The following DPH6 variants were observed in gnomAD, a reference collection of about 807,000 sequenced individuals.
The protein encoded by DPH6 is diphthine--ammonia ligase.
In DPH6, 33 loss-of-function variants were observed where a neutral mutation model predicts 38.2. That is an observed-to-expected ratio of 0.86 (90% CI 0.65 to 1.15). The LOEUF (loss-of-function observed/expected upper bound fraction) is 1.15, where lower values mean the gene tolerates loss of function less well. DPH6 is among the 50% of genes most tolerant of loss of function. The pLI is 0.00. For synonymous variants in DPH6, 108 were observed against 103.0 expected (o/e 1.05, Z -0.30); for missense variants, 325 against 320.0 (o/e 1.02, Z -0.12).
chr15:35,544,082 T>C (rs1192447176), intron 1 of DPH6, among the ~76,000 whole-genome samples: 5 of 152,186 alleles, frequency 3.3e-5, no homozygotes, highest in Non-Finnish European at 7.3e-5. Flanking sequence ...AGTACCTTAC[T>C]GTCCTCTTAG....
At chr15:35,534,678 G>T (rs1012894175) in intron 3 of DPH6, among the ~76,000 whole-genome samples, 1 of 152,100 alleles carries the variant, frequency 6.6e-6, no homozygotes, top group African/African-American at 2.4e-5. Context: ...TGAAGATTCA[G>T]TCTAGAAGGT....
At chr15:35,263,429 A>C (rs1365021207) in intron 3 of DPH6, among the ~76,000 whole-genome samples, 1 of 134,920 alleles carries the variant, frequency 7.4e-6, no homozygotes, top group Non-Finnish European at 1.5e-5. Context: ...TTTTAGAGAC[A>C]GGGTCTCACT....
rs144945842 is a variant in DPH6, at chr15:35,373,620, A to C, written c.663-12T>G. The C allele has an allele frequency of 1.8e-3, 2,839 of 1,599,346 alleles. 3 individuals are homozygous for C. The highest frequency in any genetic ancestry group is 2.3e-3 in the Non-Finnish European group (2,649 of 1,173,014). ...CTTCTGATGAATCCCTGAAATACAA[A>C]AATTTTACAATACATTTATATGCTA... On this transcript the variant is annotated splice_polypyrimidine_tract_variant and intron_variant, in intron 7 of 8. Transcript: ENST00000256538.
chr15:35,404,455 T>A (rs1387985666), intron 6 of DPH6, among the ~76,000 whole-genome samples: 1 of 152,164 alleles, frequency 6.6e-6, no homozygotes, highest in Admixed American at 6.5e-5. Flanking sequence ...TAGTTTTGAT[T>A]TGCATTTCTC....
chr15:35,242,980 C>T (rs2140402758), intron 3 of DPH6, among the ~76,000 whole-genome samples: 1 of 142,534 alleles, frequency 7.0e-6, no homozygotes, highest in Non-Finnish European at 1.5e-5. Flanking sequence ...CCTCAAACTG[C>T]CACTCTTAAC....
chr15:35,187,027 T>C, the DPH6 span, among the ~76,000 whole-genome samples: 1 of 152,248 alleles, frequency 6.6e-6, no homozygotes, highest in South Asian at 2.1e-4. Context: ...TTAGGCACCA[T>C]GACAGGCATC....
intron 3 of DPH6, among the ~76,000 whole-genome samples, chr15:35,535,750 A>T (rs2055159513): frequency 6.6e-6 from 1 of 152,174 alleles, no homozygotes; most frequent in African/African-American, 2.4e-5. Flanking sequence ...ACAGCTTGAG[A>T]TACATACCTC....
chr15:35,427,829 G>A (rs1185100680), intron 5 of DPH6, among the ~76,000 whole-genome samples: 2 of 151,874 alleles, frequency 1.3e-5, no homozygotes, highest in Non-Finnish European at 2.9e-5. Context: ...TGTAAAACTT[G>A]CTAAGTAATG....
In DPH6 at chr15:35,266,457, T is replaced by C. The variant is rs369090759; in HGVS notation, n.201-45875A>G. On this transcript the variant is annotated intron_variant and non_coding_transcript_variant, in intron 3 of 3. Coordinates refer to the DPH6 transcript ENST00000560386. The stretch of plus-strand genomic sequence containing the variant: ...AAGATATATAATATATGGCTACAGA[T>C]TGTTAATCTCTGGCAAATCAGGGAC... 3.3e-5 allele frequency among the ~76,000 whole-genome samples: 5 copies of C among 152,294 alleles called. No individual in the cohort carries two copies. In the East Asian group the frequency reaches 9.6e-4, roughly 29 times the overall value.
intron 5 of DPH6, among the ~76,000 whole-genome samples, chr15:35,445,715 G>C (rs2053843683): frequency 6.6e-6 from 1 of 152,172 alleles, no homozygotes; most frequent in Non-Finnish European, 1.5e-5. Context: ...TCACAGGTGA[G>C]AGAAAGGTAA....
rs535687404 is a variant in DPH6, at chr15:35,393,208, T to C, written c.568-11292A>G. Among the ~76,000 whole-genome samples, 157 of 152,200 alleles carry C rather than the reference T, an allele frequency of 1.0e-3. 2 individuals are homozygous for C. Among genetic ancestry groups the C allele is most frequent in the Non-Finnish European group, 4.6e-4 (31 of 68,014 alleles). ...GAGGAATCTAGGCAGGAGGTGAAGG[T>C]TTCCCAAGCTGGCAAGTAGCAATGG... On this transcript the variant is annotated intron_variant, in intron 6 of 8. Transcript: ENST00000256538.
chr15:35,393,925 T>C (rs1418142939), intron 6 of DPH6, among the ~76,000 whole-genome samples: 1 of 152,102 alleles, frequency 6.6e-6, no homozygotes, highest in South Asian at 2.1e-4. Flanking sequence ...GAGAACTTAG[T>C]ATGAGTAGTA....
the DPH6 span, among the ~76,000 whole-genome samples, chr15:35,153,719 CAGAG>C: frequency 1.3e-5 from 2 of 151,622 alleles, no homozygotes; most frequent in Admixed American, 6.6e-5. Flanking sequence ...GAGAGAAAGA[CAGAG>C]AGAGAGAGAA....
At chr15:35,299,484 T>A (rs557913177) in intron 3 of DPH6, 9 of 748,582 alleles carry the variant, frequency 1.2e-5, no homozygotes, top group Non-Finnish European at 2.2e-5. Flanking sequence ...ACTCTGCCCA[T>A]GGGCCGCGGT....
At chr15:35,241,625 C>T (rs1234717456) in intron 3 of DPH6, among the ~76,000 whole-genome samples, 4 of 142,290 alleles carry the variant, frequency 2.8e-5, no homozygotes, top group African/African-American at 1.0e-4. Context: ...AATCCAAAGC[C>T]TCCTTTGCGT....
At chr15:35,265,166 TA>T in intron 3 of DPH6, among the ~76,000 whole-genome samples, 1 of 151,848 alleles carries the variant, frequency 6.6e-6, no homozygotes, top group African/African-American at 2.4e-5. Flanking sequence ...ATAAACATAG[TA>T]AAATAACTTC....
chr15:35,413,901 G>C (rs1292471799), intron 5 of DPH6, among the ~76,000 whole-genome samples: 2 of 151,482 alleles, frequency 1.3e-5, no homozygotes, highest in African/African-American at 4.8e-5. Context: ...GAATGCTATA[G>C]AGTGAATTTC....
rs772132282 is a variant in DPH6, at chr15:35,296,804, C to CTTTTTTTTTTTTTTTT, written n.201-76223_201-76222insAAAAAAAAAAAAAAAA. 3.2e-3 allele frequency among the ~76,000 whole-genome samples: 409 copies of CTTTTTTTTTTTTTTTT among 127,052 alleles called. 9 individuals are homozygous for CTTTTTTTTTTTTTTTT. The highest frequency in any genetic ancestry group is 4.1e-3 in the African/African-American group (116 of 28,378). The allele number at this position is 127,052 out of a possible 152,430, so 83.4% of individuals were successfully genotyped here. ...ATTCTCTAACCTGATGGCCTGGCTTCTTTTTTTTTTTGAGACGGAGTCTCG... is the reference window on the plus strand; with the variant it reads ...ATTCTCTAACCTGATGGCCTGGCTTCTTTTTTTTTTTTTTTTTTTTTTTTTTTGAGACGGAGTCTCG... On this transcript the variant is annotated intron_variant and non_coding_transcript_variant, in intron 3 of 3. Coordinates refer to the DPH6 transcript ENST00000560386.
chr15:35,362,961 C>G (rs947764099), intron 3 of DPH6, among the ~76,000 whole-genome samples: 4 of 152,162 alleles, frequency 2.6e-5, no homozygotes, highest in African/African-American at 9.7e-5. Context: ...TTCTAGCCAT[C>G]TTTTTTATTA....
Sources: gnomAD v4.1 joint callset for allele counts (sites outside exome capture counted in the v4.1 genomes callset) on GRCh38, gnomAD v4.1.1 for gene constraint, MANE v1.5 for transcripts, NCBI Gene and HGNC (gene_info 2026-07-23, HGNC 2026-07-21) for gene names.